The following ATF6 variants were observed in gnomAD, a reference collection of about 807,000 sequenced individuals.
The protein encoded by ATF6 is cyclic AMP-dependent transcription factor ATF-6 alpha.
Under a neutral mutation model 83.6 loss-of-function variants are expected in ATF6, and 53 were observed. That is an observed-to-expected ratio of 0.63 (90% confidence interval 0.51 to 0.80). The LOEUF is 0.80. ATF6 is among the 30% of genes least tolerant of loss of function. The probability of loss-of-function intolerance (pLI) is 0.00; values close to 1 mark genes in which losing one functional copy is unlikely to be tolerated. For missense variants in ATF6, 744 were observed against 797.9 expected (o/e 0.93, Z 0.81); for synonymous variants, 288 against 285.8 (o/e 1.01, Z -0.08).
chr1:161,804,223 T>A (rs1231417039), intron 7 of ATF6, among the ~76,000 whole-genome samples: 1 of 152,120 alleles, frequency 6.6e-6, no homozygotes, highest in Non-Finnish European at 1.5e-5. Context: ...TATCCAAAGT[T>A]GCCTTTATGT....
At chr1:161,813,229 A>G (rs1052385164) in intron 7 of ATF6, among the ~76,000 whole-genome samples, 1 of 152,218 alleles carries the variant, frequency 6.6e-6, no homozygotes, top group Non-Finnish European at 1.5e-5. Flanking sequence ...TTAAGGTAGC[A>G]GATAGTTTTA....
intron 9 of ATF6, among the ~76,000 whole-genome samples, chr1:161,832,611 C>T (rs1437018298): frequency 6.6e-6 from 1 of 152,246 alleles, no homozygotes; most frequent in Non-Finnish European, 1.5e-5. Context: ...AGATTATATC[C>T]AGCACCTGAC....
At chr1:161,860,183 CTTT>C in intron 12 of ATF6, 21 bp from the exon 13 acceptor site, 24 of 1,207,586 alleles carry the variant, frequency 2.0e-5, no homozygotes, top group African/African-American at 3.2e-5. Flanking sequence ...CAGTATTAAA[CTTT>C]TTTTTTTTTT....
intron 14 of ATF6, among the ~76,000 whole-genome samples, chr1:161,888,675 C>G (rs1687483184): frequency 6.6e-6 from 1 of 152,122 alleles, no homozygotes; most frequent in Admixed American, 6.5e-5. Flanking sequence ...ACCTCATCAC[C>G]ACTGCTTTAA....
chr1:161,793,337 A>G (rs1411217593), intron 6 of ATF6, among the ~76,000 whole-genome samples: 1 of 152,236 alleles, frequency 6.6e-6, no homozygotes, highest in African/African-American at 2.4e-5. Context: ...AAACAGACAA[A>G]CAAACAAACA....
At chr1:161,886,853 A>G (rs1033559149) in intron 14 of ATF6, among the ~76,000 whole-genome samples, 3 of 152,194 alleles carry the variant, frequency 2.0e-5, no homozygotes, top group African/African-American at 7.2e-5. Context: ...ACAGTCCTGT[A>G]TTGCCACTCC....
At chr1:161,846,719 A>G (rs1334713620) in intron 10 of ATF6, 139 bp downstream of exon 10, 1 of 819,172 alleles carries the variant, frequency 1.2e-6, no homozygotes, top group Non-Finnish European at 1.7e-6. Context: ...TGAAACCATT[A>G]ATACATTTTA....
intron 15 of ATF6, among the ~76,000 whole-genome samples, chr1:161,951,788 C>G (rs534357053): frequency 6.6e-6 from 1 of 152,190 alleles, no homozygotes; most frequent in East Asian, 1.9e-4. Flanking sequence ...GTAAGCTGCA[C>G]AAGGGAAAAA....
intron 11 of ATF6, among the ~76,000 whole-genome samples, chr1:161,852,206 C>T (rs1283373086): frequency 6.6e-6 from 1 of 152,154 alleles, no homozygotes; most frequent in Non-Finnish European, 1.5e-5. Context: ...CGTTAGTACA[C>T]ACTTCTTTAT....
At chr1:161,842,740 A>C (rs1686387355) in intron 9 of ATF6, among the ~76,000 whole-genome samples, 1 of 152,214 alleles carries the variant, frequency 6.6e-6, no homozygotes, top group Non-Finnish European at 1.5e-5. Context: ...GTTCCCCAAA[A>C]ACCTATGGAA....
At chr1:161,857,290 A>G (rs1190815040) in intron 12 of ATF6, among the ~76,000 whole-genome samples, 1 of 152,102 alleles carries the variant, frequency 6.6e-6, no homozygotes, top group Admixed American at 6.6e-5. Context: ...TCTTTGAAAT[A>G]TCTGTTGTAT....
chr1:161,791,517 C>G lies in ATF6; in HGVS notation c.464C>G (p.Thr155Ser). Residue 155 changes from threonine to serine, a missense_variant, in exon 5 of 16, where the codon ACT becomes AGT. Transcript: ENST00000367942. ...AEPLKEDKPV[T>S]GPRNKTENGL... ...CCACTGAAGGAAGATAAGCCTGTCA[C>G]TGGTCCTAGGAACAAGACTGGTATT... The G allele has an allele frequency of 1.2e-6, 2 of 1,611,664 alleles. No homozygotes were observed. Among genetic ancestry groups the G allele is most frequent in the African/African-American group, 1.3e-5 (1 of 74,998 alleles).
intron 15 of ATF6, among the ~76,000 whole-genome samples, chr1:161,930,574 C>T (rs1323234497): frequency 6.6e-6 from 1 of 152,174 alleles, no homozygotes; most frequent in Non-Finnish European, 1.5e-5. Flanking sequence ...TCTATATCCA[C>T]TGGTCAGTTA....
rs1250539446 is a variant in ATF6 at position 161,778,252 on chromosome 1, C to G, written c.91C>G (p.Leu31Val). The G allele has an allele frequency of 5.6e-6, 9 of 1,613,150 alleles. No homozygotes were observed. Among genetic ancestry groups the G allele is most frequent in the Non-Finnish European group, 7.6e-6 (9 of 1,179,410 alleles). Residue 31 changes from leucine to valine, a missense_variant, in exon 2 of 16, where the codon CTC (leucine) becomes GTC (valine). By Grantham distance (32) the Leu-to-Val change is conservative (BLOSUM62 1). Transcript: ENST00000367942. ...HRLDEDWDSA[L>V]FAELGYFTDT... ...TTTTCCTTTGTCCAAAGATTCTGCTCTCTTTGCTGAACTCGGTTATTTCAC... is the reference window on the plus strand; with the variant it reads ...TTTTCCTTTGTCCAAAGATTCTGCTGTCTTTGCTGAACTCGGTTATTTCAC...
At chr1:161,831,621 A>T (rs1227084196) in intron 9 of ATF6, among the ~76,000 whole-genome samples, 1 of 152,152 alleles carries the variant, frequency 6.6e-6, no homozygotes, top group South Asian at 2.1e-4. Flanking sequence ...AGCCATAAAA[A>T]ATGATGAGTT....
chr1:161,850,957 A>G (rs1159312459), intron 10 of ATF6, among the ~76,000 whole-genome samples: 1 of 152,184 alleles, frequency 6.6e-6, no homozygotes, highest in South Asian at 2.1e-4. Context: ...CACATGATCT[A>G]CATCAGTGCG....
intron 7 of ATF6, among the ~76,000 whole-genome samples, chr1:161,819,276 G>T (rs1174998162): frequency 6.6e-6 from 1 of 152,010 alleles, no homozygotes; most frequent in Non-Finnish European, 1.5e-5. Context: ...ATATGGTTCT[G>T]GGGCATAGCC....
At chr1:161,846,042 T>C (rs1686478706) in intron 9 of ATF6, among the ~76,000 whole-genome samples, 1 of 152,158 alleles carries the variant, frequency 6.6e-6, no homozygotes, top group Admixed American at 6.6e-5. Context: ...CCTACTTCAT[T>C]TGAAGTATTC....
intron 10 of ATF6, among the ~76,000 whole-genome samples, chr1:161,846,863 T>C (rs902967329): frequency 6.6e-6 from 1 of 151,844 alleles, no homozygotes; most frequent in African/African-American, 2.4e-5. Flanking sequence ...ATATATAATG[T>C]CTTTAATAAT....
Sources: gnomAD v4.1 joint callset for allele counts (sites outside exome capture counted in the v4.1 genomes callset) on GRCh38, gnomAD v4.1.1 for gene constraint, MANE v1.5 for transcripts, NCBI Gene and HGNC (gene_info 2026-07-23, HGNC 2026-07-21) for gene names.